The following CYP2C18 variants were observed in gnomAD, a reference collection of about 807,000 sequenced individuals.
The protein encoded by CYP2C18 is cytochrome P450 family 2 subfamily C member 18, also known as cytochrome P450 2C18.
In CYP2C18, 38 loss-of-function variants were observed where a neutral mutation model predicts 41.3. The observed-to-expected ratio is 0.92, with a 90% CI of 0.71 to 1.21. The LOEUF (loss-of-function observed/expected upper bound fraction) is 1.21, where lower values mean the gene tolerates loss of function less well. CYP2C18 is among the 50% of genes most tolerant of loss of function. The pLI, the probability that CYP2C18 is intolerant of heterozygous loss-of-function variation, is 0.00. For missense variants in CYP2C18, 635 were observed against 591.4 expected (o/e 1.07, Z -0.77); for synonymous variants, 236 against 210.0 (o/e 1.12, Z -1.07).
chr10:94,735,240 T>A, intron 8 of CYP2C18, 23 bp from the exon 9 acceptor site: 1 of 1,611,550 alleles, frequency 6.2e-7, no homozygotes, highest in South Asian at 1.1e-5. Context: ...AAGGAACAAA[T>A]CCCCTATGTC....
At chr10:94,689,948 C>T (rs941972201) in intron 3 of CYP2C18, among the ~76,000 whole-genome samples, 2 of 152,260 alleles carry the variant, frequency 1.3e-5, no homozygotes, top group Non-Finnish European at 2.9e-5. Flanking sequence ...CCCTCCCTAT[C>T]TCACTCATTT....
chr10:94,729,591 CT>C (rs2134209785), intron 7 of CYP2C18, among the ~76,000 whole-genome samples: 1 of 152,204 alleles, frequency 6.6e-6, no homozygotes, highest in Non-Finnish European at 1.5e-5. Context: ...AAAGAGAAGC[CT>C]TTTGCTTGAA....
At chr10:94,729,240 T>A (rs7085563) in intron 7 of CYP2C18, among the ~76,000 whole-genome samples, 30,667 of 152,040 alleles carry the variant, frequency 0.2, 3,537 homozygotes, top group East Asian at 0.37. Flanking sequence ...AATAAGAATT[T>A]TAAGTTCCGA....
At position 94,683,909 on chromosome 10, in the gene CYP2C18, G is replaced by C. The variant is rs753244773; in HGVS notation, c.90G>C (p.Pro30=). 5.0e-6 allele frequency: 8 copies of C among 1,611,084 alleles called. No individual in the cohort carries two copies. The highest frequency in any genetic ancestry group is 4.5e-5 in the East Asian group (2 of 44,812). Residue 30 remains proline (P), a synonymous_variant, in exon 1 of 9, where the codon CCG becomes CCC. Transcript: ENST00000285979. ...WRQSSGRGRL[P]SGPTPLPIIG... ...AGAGCTCTGGAAGAGGGAGGCTCCC[G>C]TCTGGCCCCACTCCTCTCCCGATTA...
At chr10:94,684,844 C>G (rs1335065688) in intron 1 of CYP2C18, among the ~76,000 whole-genome samples, 2 of 151,906 alleles carry the variant, frequency 1.3e-5, no homozygotes, top group African/African-American at 4.8e-5. Context: ...TTTGTCAACA[C>G]TTGTTATCTT....
In CYP2C18 at chr10:94,724,550, T is replaced by C. The variant is rs1847705003; in HGVS notation, c.1149+17T>C. 1 of 1,607,234 alleles carries C rather than the reference T, an allele frequency of 6.2e-7. No individual in the cohort carries two copies. The highest frequency in any genetic ancestry group is 1.3e-5 in the African/African-American group (1 of 74,860). On this transcript the variant is annotated intron_variant, in intron 7 of 8. Coordinates refer to ENST00000285979, the MANE Select transcript of CYP2C18 (RefSeq NM_000772.3). ...ATCCCCAAGGTAAGCTTGTTTCTCCTACACTACATCTCCATGCTCTTCAAG... is the reference window on the plus strand; with the variant it reads ...ATCCCCAAGGTAAGCTTGTTTCTCCCACACTACATCTCCATGCTCTTCAAG...
chr10:94,698,261 C>T (rs1847161909), intron 4 of CYP2C18, among the ~76,000 whole-genome samples: 1 of 152,118 alleles, frequency 6.6e-6, no homozygotes, highest in South Asian at 2.1e-4. Flanking sequence ...TGTAAGAGAA[C>T]AGAAATTATA....
At chr10:94,684,184 C>A (rs1282272851) in intron 1 of CYP2C18, among the ~76,000 whole-genome samples, 197 bp downstream of exon 1, 1 of 152,052 alleles carries the variant, frequency 6.6e-6, no homozygotes, top group Admixed American at 6.6e-5. Flanking sequence ...AAATATTTGT[C>A]ATTTCTTTGT....
At chr10:94,733,575 C>A (rs17110236) in intron 8 of CYP2C18, 137 bp downstream of exon 8, 21 of 1,461,170 alleles carry the variant, frequency 1.4e-5, no homozygotes, top group Non-Finnish European at 1.8e-5. Context: ...TATGCCCATG[C>A]GATTTCCCTG....
intron 1 of CYP2C18, among the ~76,000 whole-genome samples, chr10:94,685,188 C>A (rs1846863795): frequency 6.6e-6 from 1 of 151,862 alleles, no homozygotes; most frequent in African/African-American, 2.4e-5. Context: ...TGTATGCCAC[C>A]ATGCCTGGAT....
chr10:94,716,974 G>A (rs923168211), intron 5 of CYP2C18, among the ~76,000 whole-genome samples: 16 of 152,250 alleles, frequency 1.1e-4, no homozygotes, highest in African/African-American at 2.9e-4. Context: ...TTGGTTTAAA[G>A]TCTGTTTTAT....
At chr10:94,728,176 G>C (rs965191973) in intron 7 of CYP2C18, among the ~76,000 whole-genome samples, 4 of 151,956 alleles carry the variant, frequency 2.6e-5, no homozygotes, top group Non-Finnish European at 5.9e-5. Flanking sequence ...GTTTTTAAAA[G>C]TCCTGTCCCC....
chr10:94,735,146 T>G, intron 8 of CYP2C18, 117 bp from the exon 9 acceptor site: 2 of 1,033,982 alleles, frequency 1.9e-6, no homozygotes, highest in Non-Finnish European at 1.4e-6. Flanking sequence ...CTTCCAGTCA[T>G]TCTGCCTTCG....
intron 7 of CYP2C18, 135 bp downstream of exon 7, chr10:94,724,668 G>A (rs1054820707): frequency 4.8e-6 from 4 of 826,396 alleles, no homozygotes; most frequent in Middle Eastern, 2.3e-4. Context: ...GGACTCTGCT[G>A]TTTCCATTCC....
chr10:94,728,090 T>G (rs1466404896), intron 7 of CYP2C18, among the ~76,000 whole-genome samples: 1 of 152,172 alleles, frequency 6.6e-6, no homozygotes, highest in East Asian at 1.9e-4. Flanking sequence ...AGCTTTTAAT[T>G]TGGTTATCTT....
intron 4 of CYP2C18, among the ~76,000 whole-genome samples, chr10:94,696,626 C>T (rs1040011707): frequency 2.6e-5 from 4 of 152,110 alleles, no homozygotes; most frequent in African/African-American, 9.7e-5. Context: ...CAAAGCTGGA[C>T]AGAGAATGAC....
Position 94,735,388 on chromosome 10 carries a change from G to A in CYP2C18, c.1417G>A (p.Ala473Thr). The stretch of plus-strand genomic sequence containing the variant: ...AAAGGATATTGACATCACCCCCATT[G>A]CCAATGCATTTGGTCGTGTGCCACC... ...DPKDIDITPIANAFGRVPPLY... is the reference protein window; with the variant it reads ...DPKDIDITPITNAFGRVPPLY... The change falls in exon 9 of 9, where the codon GCC becomes ACC. Residue 473 changes from alanine (A) to threonine (T), a missense_variant. Ala to Thr is a moderately conservative substitution (Grantham distance 58). Transcript: ENST00000285979. 6.2e-7 allele frequency: 1 copy of A among 1,613,688 alleles called. No homozygotes were observed. The highest frequency in any genetic ancestry group is 8.5e-7 in the Non-Finnish European group (1 of 1,179,708).
chr10:94,706,082 A>T (rs1847338056), intron 4 of CYP2C18, among the ~76,000 whole-genome samples: 1 of 152,208 alleles, frequency 6.6e-6, no homozygotes, highest in South Asian at 2.1e-4. Context: ...AGTTCTGAAT[A>T]GGATAGGGGT....
At chr10:94,718,077 C>G (rs750002722) in intron 5 of CYP2C18, among the ~76,000 whole-genome samples, 128 of 152,074 alleles carry the variant, frequency 8.4e-4, no homozygotes, top group Non-Finnish European at 1.4e-3. Flanking sequence ...TCAACTCTTC[C>G]AATCCATGCA....
Sources: gnomAD v4.1 joint callset for allele counts (sites outside exome capture counted in the v4.1 genomes callset) on GRCh38, gnomAD v4.1.1 for gene constraint, MANE v1.5 for transcripts, NCBI Gene and HGNC (gene_info 2026-07-23, HGNC 2026-07-21) for gene names.